The following USP26 variants were observed in gnomAD, a reference collection of about 807,000 sequenced individuals.
USP26 encodes the protein ubiquitin specific peptidase 26, also known as ubiquitin carboxyl-terminal hydrolase 26.
For synonymous variants in USP26, 236 were observed against 240.6 expected, an observed-to-expected ratio of 0.98 and a Z score of 0.18; for missense variants, 649 against 642.3, an observed-to-expected ratio of 1.01 and a Z score of -0.11.
chrX:133,094,706 T>C (rs1222644948), intron 1 of USP26, among the ~76,000 whole-genome samples: 1 of 112,139 alleles, frequency 8.9e-6, no homozygotes, highest in African/African-American at 3.2e-5. Flanking sequence ...CCCAAAAAAC[T>C]TTCTGCAGTG....
intron 5 of USP26, among the ~76,000 whole-genome samples, chrX:133,081,787 C>A (rs2067571015): frequency 8.9e-6 from 1 of 111,741 alleles, no homozygotes; most frequent in African/African-American, 3.3e-5. Flanking sequence ...TAATGTCCAA[C>A]TAAAAATCAT....
intron 5 of USP26, among the ~76,000 whole-genome samples, chrX:133,066,202 C>T (rs754531133): frequency 9.0e-6 from 1 of 111,236 alleles, no homozygotes; most frequent in Admixed American, 9.6e-5. Flanking sequence ...GAACTACAAA[C>T]CGCTGTTCAA....
At chrX:133,032,954 T>C (rs1471581936) in intron 5 of USP26, among the ~76,000 whole-genome samples, 1 of 111,440 alleles carries the variant, frequency 9.0e-6, no homozygotes, top group Non-Finnish European at 1.9e-5. Flanking sequence ...CCTTCCTTTC[T>C]GTTCTTCTAT....
chrX:133,027,883 C>A lies in USP26; in HGVS notation c.338G>T (p.Gly113Val), dbSNP rs150401753. 2.9e-4 allele frequency: 348 copies of A among 1,208,070 alleles called. No individual in the cohort carries two copies. Among genetic ancestry groups the A allele is most frequent in the South Asian group, 1.9e-3 (105 of 56,473 alleles). The change falls in exon 6 of 6, where the codon GGT (glycine) becomes GTT (valine). Residue 113 changes from glycine to valine, a missense_variant. By Grantham distance (109) the Gly-to-Val change is moderately radical. Coordinates refer to ENST00000511190, the MANE Select transcript of USP26 (RefSeq NM_031907.3). The stretch of plus-strand genomic sequence containing the variant: ...GCTAGAAAAGACACTCCCACCCTTA[C>A]CAGGTCTCACAGGTGGCTGAACCTC... Reference protein sequence around the residue: ...QNEVQPPVRPGKGGSVFSSTT... With the variant: ...QNEVQPPVRPVKGGSVFSSTT...
In USP26 at chrX:133,028,314, A is replaced by C; in HGVS notation, c.-76-18T>G. On this transcript the variant is annotated intron_variant, in intron 5 of 5. Transcript: ENST00000511190. ...AAGTTCAGCTGTGAAGACAACACCA[A>C]AGAAATAGTTCATTAGTTCTCTACA... 2.1e-6 allele frequency: 2 copies of C among 973,607 alleles called. No individual in the cohort carries two copies. Among genetic ancestry groups the C allele is most frequent in the Non-Finnish European group, 2.9e-6 (2 of 688,140 alleles). 80.2% of individuals were successfully genotyped at this position (973,607 alleles called of 1,213,427 possible).
At chrX:133,080,649 A>G (rs1053266933) in intron 5 of USP26, among the ~76,000 whole-genome samples, 1 of 111,641 alleles carries the variant, frequency 9.0e-6, no homozygotes, top group Non-Finnish European at 1.9e-5. Context: ...ACCCTATAGC[A>G]GCAAAACCTA....
intron 5 of USP26, among the ~76,000 whole-genome samples, chrX:133,054,861 C>T (rs769365798): frequency 8.9e-5 from 10 of 112,484 alleles, no homozygotes; most frequent in African/African-American, 2.9e-4. Context: ...TTCTTAGGTA[C>T]TGCCAATGAA....
chrX:133,047,796 C>A (rs1210593661), intron 5 of USP26, among the ~76,000 whole-genome samples: 1 of 111,655 alleles, frequency 9.0e-6, no homozygotes, highest in African/African-American at 3.3e-5. Flanking sequence ...AAGAAGACCC[C>A]ATCTATGAAC....
chrX:133,047,798 T>A (rs2067445784), intron 5 of USP26, among the ~76,000 whole-genome samples: 1 of 111,508 alleles, frequency 9.0e-6, no homozygotes, highest in Non-Finnish European at 1.9e-5. Context: ...GAAGACCCCA[T>A]CTATGAACCA....
chrX:133,088,963 A>G (rs183955254), intron 4 of USP26, among the ~76,000 whole-genome samples: 3 of 109,554 alleles, frequency 2.7e-5, no homozygotes, highest in Non-Finnish European at 5.7e-5. Context: ...TTTTTTCTAA[A>G]TAACTCTGGC....
chrX:133,027,131 G>A lies in USP26; in HGVS notation c.1090C>T (p.Leu364Phe), dbSNP rs35397110. Residue 364 changes from leucine (L) to phenylalanine (F), a missense_variant, in exon 6 of 6, where the codon CTT becomes TTT. Coordinates refer to ENST00000511190, the MANE Select transcript of USP26 (RefSeq NM_031907.3). Reference protein sequence around the residue: ...IEIKEMLLLNLKKAISAAAEI... With the variant: ...IEIKEMLLLNFKKAISAAAEI... The stretch of plus-strand genomic sequence containing the variant: ...GCAGCTGCTGAAATGGCCTTTTTAA[G>A]ATTCAAGAGTAACATCTCCTTGATT... The A allele has an allele frequency of 0.054, 65,839 of 1,208,757 alleles. 1,444 individuals are homozygous for A. Among genetic ancestry groups the A allele is most frequent in the Non-Finnish European group, 0.065 (58,172 of 894,558 alleles).
At chrX:133,051,994 AT>A (rs1169355104) in intron 5 of USP26, among the ~76,000 whole-genome samples, 1 of 112,128 alleles carries the variant, frequency 8.9e-6, no homozygotes. Flanking sequence ...TTAAGTCTCT[AT>A]TTTACATTCA....
chrX:133,042,017 A>C (rs1365786640), intron 5 of USP26, among the ~76,000 whole-genome samples: 5 of 111,603 alleles, frequency 4.5e-5, no homozygotes, highest in Non-Finnish European at 9.4e-5. Flanking sequence ...GTCAGGGTAA[A>C]ACCGCCTACT....
At chrX:133,053,583 C>T (rs1433960514) in intron 5 of USP26, among the ~76,000 whole-genome samples, 3 of 109,201 alleles carry the variant, frequency 2.7e-5, no homozygotes, top group Non-Finnish European at 5.7e-5. Flanking sequence ...GGCTAATATT[C>T]CCTGCTGGTA....
At chrX:133,036,480 C>T (rs771569231) in intron 5 of USP26, among the ~76,000 whole-genome samples, 1 of 111,313 alleles carries the variant, frequency 9.0e-6, no homozygotes, top group Admixed American at 9.6e-5. Context: ...TTTCCAGCTT[C>T]ATCCATGTCC....
chrX:133,024,301 A>G lies in USP26; in HGVS notation c.*1178T>C, dbSNP rs935160081. Among the ~76,000 whole-genome samples, 1 of 111,406 alleles carries G rather than the reference A, an allele frequency of 9.0e-6. No homozygotes were observed. The highest frequency in any genetic ancestry group is 1.9e-5 in the Non-Finnish European group (1 of 53,050). Reference sequence around the variant, plus strand: ...TGTAAAAAAAAAAAAAAAATCTGGAATTAGTCATGTAATGTTGAATGCAGA... The same window carrying G: ...TGTAAAAAAAAAAAAAAAATCTGGAGTTAGTCATGTAATGTTGAATGCAGA... On this transcript the variant is annotated 3_prime_UTR_variant, in exon 6 of 6. Coordinates refer to ENST00000511190, the MANE Select transcript of USP26 (RefSeq NM_031907.3).
chrX:133,093,809 C>T (rs562277172), intron 1 of USP26, among the ~76,000 whole-genome samples: 5 of 105,660 alleles, frequency 4.7e-5, no homozygotes, highest in African/African-American at 1.7e-4. Flanking sequence ...GGCAAAATTC[C>T]GTCTCTATAA....
intron 5 of USP26, among the ~76,000 whole-genome samples, chrX:133,031,535 T>C (rs756342686): frequency 3.6e-5 from 4 of 111,454 alleles, no homozygotes; most frequent in African/African-American, 1.3e-4. Flanking sequence ...AACAGTTAGA[T>C]GGTATGCACT....
intron 4 of USP26, 72 bp from the exon 5 acceptor site, chrX:133,083,843 T>G (rs1263353191): frequency 9.0e-6 from 1 of 111,442 alleles, no homozygotes; most frequent in Non-Finnish European, 1.9e-5. Flanking sequence ...TACTCCTTTG[T>G]GTACTATAAA....
Sources: allele counts gnomAD v4.1 joint callset (sites outside exome capture counted in the v4.1 genomes callset), GRCh38; gene constraint gnomAD v4.1.1; transcripts MANE v1.5; gene names NCBI Gene and HGNC (gene_info 2026-07-23, HGNC 2026-07-21).